Variants in NUMB observed in about 807,000 individuals in gnomAD.
The protein encoded by NUMB is protein numb homolog.
In NUMB, 29 loss-of-function variants were observed where a neutral mutation model predicts 59.7. That is an observed-to-expected ratio of 0.49 (90% CI 0.36 to 0.66). The LOEUF (loss-of-function observed/expected upper bound fraction) is 0.66. Among genes scored for constraint, NUMB ranks in the 30% least tolerant of loss-of-function variants. The pLI is 0.00. For missense variants in NUMB, 723 were observed against 822.0 expected, an observed-to-expected ratio of 0.88 and a Z score of 1.47; for synonymous variants, 288 against 288.2, an observed-to-expected ratio of 1.00 and a Z score of 0.01.
At chr14:73,428,535 T>C (rs1897683833) in intron 1 of NUMB, among the ~76,000 whole-genome samples, 1 of 152,232 alleles carries the variant, frequency 6.6e-6, no homozygotes, top group Non-Finnish European at 1.5e-5. Flanking sequence ...GCCTCGTGTC[T>C]GTAATCCCAG....
intron 1 of NUMB, among the ~76,000 whole-genome samples, chr14:73,449,756 C>T (rs1566803301): frequency 2.0e-5 from 3 of 152,112 alleles, no homozygotes; most frequent in Non-Finnish European, 2.9e-5. Context: ...TGCAGTGGCT[C>T]GGCTCACTGC....
chr14:73,397,833 C>A (rs1896210341), intron 2 of NUMB, among the ~76,000 whole-genome samples: 1 of 152,102 alleles, frequency 6.6e-6, no homozygotes, highest in Admixed American at 6.6e-5. Flanking sequence ...AAGTTTTGCA[C>A]CCCCTCTAAA....
At chr14:73,391,740 T>C (rs914467039) in intron 2 of NUMB, among the ~76,000 whole-genome samples, 5 of 152,214 alleles carry the variant, frequency 3.3e-5, no homozygotes, top group African/African-American at 9.6e-5. Context: ...ACTATTTATA[T>C]AGGTAATTCA....
At chr14:73,421,233 G>A (rs1275819595) in intron 1 of NUMB, among the ~76,000 whole-genome samples, 1 of 151,974 alleles carries the variant, frequency 6.6e-6, no homozygotes. Flanking sequence ...CACCCAGGCT[G>A]GAGTGCAGTG....
chr14:73,369,235 G>T (rs1894544425), intron 2 of NUMB, among the ~76,000 whole-genome samples: 1 of 151,996 alleles, frequency 6.6e-6, no homozygotes, highest in Admixed American at 6.6e-5. Context: ...TAGAGACAGG[G>T]TTTCACCATG....
chr14:73,352,445 CACACACACACACAT>C (rs1310734500), intron 4 of NUMB, among the ~76,000 whole-genome samples: 5 of 47,546 alleles, frequency 1.1e-4, no homozygotes, highest in Non-Finnish European at 1.5e-4. Flanking sequence ...CACACACACA[CACACACACACACAT>C]ACACACACAC....
chr14:73,446,411 G>T (rs1353783972), intron 1 of NUMB, among the ~76,000 whole-genome samples: 2 of 151,722 alleles, frequency 1.3e-5, no homozygotes, highest in Non-Finnish European at 2.9e-5. Context: ...TTCGAGACCA[G>T]CCTGGCCAAT....
chr14:73,283,245 G>A (rs939631804), intron 10 of NUMB, among the ~76,000 whole-genome samples: 2 of 152,140 alleles, frequency 1.3e-5, no homozygotes, highest in African/African-American at 4.8e-5. Flanking sequence ...TACCTCAGCT[G>A]AGAACTGAAA....
At chr14:73,350,078 T>TACACACACACAC (rs71112732) in intron 4 of NUMB, among the ~76,000 whole-genome samples, 1 of 137,698 alleles carries the variant, frequency 7.3e-6, no homozygotes, top group African/African-American at 2.9e-5. Flanking sequence ...CATACATACA[T>TACACACACACAC]ACACACACAC....
intron 1 of NUMB, among the ~76,000 whole-genome samples, chr14:73,420,692 C>T (rs1213269528): frequency 6.6e-6 from 1 of 152,030 alleles, no homozygotes; most frequent in Non-Finnish European, 1.5e-5. Context: ...TCATGGCACA[C>T]GTCTGTAATC....
In NUMB at chr14:73,349,889, AC is replaced by A. The variant is rs1304490134; in HGVS notation, c.126+5736del. 4.0e-5 allele frequency among the ~76,000 whole-genome samples: 6 copies of A among 151,204 alleles called. No individual in the cohort carries two copies. The East Asian group carries it at 1.2e-3, about 30-fold the overall frequency. ...GCAAGACTCCGTCTCAAGAAAAAAA[AC>A]AAAAAACAAAAAAAACTAGCTGGGC... On this transcript the variant is annotated intron_variant, in intron 4 of 12. Coordinates refer to ENST00000555238, the MANE Select transcript of NUMB (RefSeq NM_001005743.2).
intron 3 of NUMB, among the ~76,000 whole-genome samples, chr14:73,359,569 G>A (rs1894000036): frequency 6.6e-6 from 1 of 152,160 alleles, no homozygotes. Context: ...AATTGCTGAG[G>A]ATGCTAGCCT....
intron 2 of NUMB, among the ~76,000 whole-genome samples, chr14:73,372,313 A>ATATATATATATATATATATAACTTTT (rs1566766424): frequency 1.0e-5 from 1 of 98,704 alleles, no homozygotes; most frequent in African/African-American, 4.3e-5. Flanking sequence ...TTTTATATAT[A>ATATATATATATATATATATAACTTTT]TATATATATA....
At chr14:73,452,397 G>A (rs1039778884) in intron 1 of NUMB, among the ~76,000 whole-genome samples, 3 of 151,862 alleles carry the variant, frequency 2.0e-5, no homozygotes, top group African/African-American at 4.8e-5. Context: ...TGGGCAGCCT[G>A]TAGTCCCAGC....
chr14:73,297,380 A>T, intron 6 of NUMB, 95 bp from the exon 7 acceptor site: 1 of 822,288 alleles, frequency 1.2e-6, no homozygotes, highest in Non-Finnish European at 2.1e-6. Context: ...CTGCCTTCCA[A>T]AAGTCACAAG....
At chr14:73,283,704 T>C (rs1018610335) in intron 10 of NUMB, among the ~76,000 whole-genome samples, 16 of 152,218 alleles carry the variant, frequency 1.1e-4, no homozygotes, top group Non-Finnish European at 2.2e-4. Context: ...GCTATGTGTT[T>C]CTAAGGCCTC....
intron 6 of NUMB, among the ~76,000 whole-genome samples, chr14:73,313,195 G>C (rs1284052125): frequency 2.6e-5 from 4 of 151,842 alleles, no homozygotes; most frequent in African/African-American, 7.3e-5. Context: ...TCACCCTGTT[G>C]GTCAGGCTGG....
rs1160438077 is a variant in NUMB, at chr14:73,276,215, G to C, written c.*363C>G. The C allele has an allele frequency of 1.6e-5, 3 of 191,538 alleles. No individual in the cohort carries two copies. The highest frequency in any genetic ancestry group is 7.1e-5 in the African/African-American group (3 of 42,480). The allele number at this position is 191,538 out of a possible 1,614,324, so 11.9% of individuals were successfully genotyped here. A position where few individuals can be genotyped will look rare whatever the true frequency, so the allele number is the denominator to read the frequency against. On this transcript the variant is annotated 3_prime_UTR_variant, in exon 13 of 13. Coordinates refer to ENST00000555238, the MANE Select transcript of NUMB (RefSeq NM_001005743.2). The stretch of plus-strand genomic sequence containing the variant: ...GTGAATGGCCTGAAAAACAAAGGGA[G>C]ATTGCTTTGCTTCCTGTTGTGTTTT...
chr14:73,427,986 T>A (rs1229585520), intron 1 of NUMB, among the ~76,000 whole-genome samples: 1 of 152,228 alleles, frequency 6.6e-6, no homozygotes, highest in African/African-American at 2.4e-5. Context: ...AGTGTCTTTA[T>A]AACTAACTTT....
Sources: gnomAD v4.1 joint callset for allele counts (sites outside exome capture counted in the v4.1 genomes callset) on GRCh38, gnomAD v4.1.1 for gene constraint, MANE v1.5 for transcripts, NCBI Gene and HGNC (gene_info 2026-07-23, HGNC 2026-07-21) for gene names.